Variants in KCNQ1 observed in about 807,000 individuals in gnomAD.
The protein encoded by KCNQ1 is potassium voltage-gated channel subfamily Q member 1, also known as potassium voltage-gated channel subfamily KQT member 1.
KCNQ1 carries 49 observed loss-of-function variants against 72.4 expected under a neutral mutation model. The observed-to-expected ratio is 0.68, with a 90% CI of 0.54 to 0.86. The LOEUF (loss-of-function observed/expected upper bound fraction) is 0.86. Among genes scored for constraint, KCNQ1 ranks in the 40% least tolerant of loss-of-function variants. KCNQ1 has a pLI of 0.00. For synonymous variants in KCNQ1, 450 were observed against 412.6 expected (o/e 1.09, Z -1.10); for missense variants, 790 against 945.1 (o/e 0.84, Z 2.15).
At chr11:2,581,814 G>C (rs144684449) in intron 6 of KCNQ1, among the ~76,000 whole-genome samples, 1 of 152,224 alleles carries the variant, frequency 6.6e-6, no homozygotes, top group Admixed American at 6.5e-5. Flanking sequence ...ACACAGAGCC[G>C]GGTGGTCCAC....
rs1266915761 is a variant in KCNQ1, at chr11:2,549,745, A to G, written c.478-20883A>G. On this transcript the variant is annotated intron_variant, in intron 2 of 15. Coordinates refer to ENST00000155840, the MANE Select transcript of KCNQ1 (RefSeq NM_000218.3). This position sits in a 1 kb window ranked among gnomAD's most constrained non-coding sequence, Gnocchi z 6.2. ...CCTGGTGTGGGGGTGCCTGGGGGGC[A>G]GTGGACGTGAGCAGCAGCACGTGGC... Among the ~76,000 whole-genome samples the G allele has an allele frequency of 1.3e-5, 2 of 151,930 alleles. No individual in the cohort carries two copies. The highest frequency in any genetic ancestry group is 4.8e-5 in the African/African-American group (2 of 41,374).
At chr11:2,461,212 C>T (rs1438947968) in intron 1 of KCNQ1, among the ~76,000 whole-genome samples, 3 of 152,176 alleles carry the variant, frequency 2.0e-5, no homozygotes, top group African/African-American at 4.8e-5. Flanking sequence ...GTGTGGGGCT[C>T]GGTCTGCATG....
chr11:2,509,180 A>G lies in KCNQ1; in HGVS notation c.387-18748A>G, dbSNP rs1315578764. On this transcript the variant is annotated intron_variant, in intron 1 of 15. Transcript: ENST00000155840. The surrounding 1 kb of genome is among the most constrained non-coding windows in gnomAD (Gnocchi z 6.3). ...CACAGCACAGGTTGGGAGAGCAACT[A>G]TCTCAAGGCTTTTATTTGCTGTTTC... Among the ~76,000 whole-genome samples, 1 of 152,232 alleles carries G rather than the reference A, an allele frequency of 6.6e-6. No homozygotes were observed. The highest frequency in any genetic ancestry group is 1.9e-4 in the East Asian group (1 of 5,194).
intron 2 of KCNQ1, among the ~76,000 whole-genome samples, chr11:2,561,617 G>A (rs1848168505): frequency 6.6e-6 from 1 of 152,226 alleles, no homozygotes; most frequent in Non-Finnish European, 1.5e-5. Flanking sequence ...CCCCGCCTGG[G>A]ATGCCACCAG....
rs754365669 is a variant in KCNQ1, at chr11:2,550,520, G to T, written c.478-20108G>T. Among the ~76,000 whole-genome samples the T allele has an allele frequency of 6.6e-6, 1 of 152,224 alleles. No homozygotes were observed. Among genetic ancestry groups the T allele is most frequent in the Non-Finnish European group, 1.5e-5 (1 of 68,034 alleles). ...GCCAAGGGCACTGCCCGCCCTGGGA[G>T]CTGATGCCTGACATGCATCCTCGCC... On this transcript the variant is annotated intron_variant, in intron 2 of 15. Transcript: ENST00000155840. This position sits in a 1 kb window ranked among gnomAD's most constrained non-coding sequence, Gnocchi z 6.0.
rs1851177747 is a variant in KCNQ1, at chr11:2,720,137, G to A, written c.1515-48707G>A. Among the ~76,000 whole-genome samples, 1 of 152,226 alleles carries A rather than the reference G, an allele frequency of 6.6e-6. No homozygotes were observed. Among genetic ancestry groups the A allele is most frequent in the Non-Finnish European group, 1.5e-5 (1 of 68,034 alleles). Reference sequence around the variant, plus strand: ...GGGTTCAGTTCCCAAACCCACTGGAGGGTTGCAAGGAGACGCTTCTAGTAT... The same window carrying A: ...GGGTTCAGTTCCCAAACCCACTGGAAGGTTGCAAGGAGACGCTTCTAGTAT... On this transcript the variant is annotated intron_variant, in intron 11 of 15. Transcript: ENST00000155840. This position sits in a 1 kb window ranked among gnomAD's most constrained non-coding sequence, Gnocchi z 5.1.
At chr11:2,487,915 A>G (rs571707317) in intron 1 of KCNQ1, among the ~76,000 whole-genome samples, 4 of 152,252 alleles carry the variant, frequency 2.6e-5, no homozygotes, top group African/African-American at 9.6e-5. Flanking sequence ...AATGTTGAAT[A>G]GAAGTGGTGA....
At chr11:2,643,565 T>C (rs1849613443) in intron 10 of KCNQ1, 1 of 398,546 alleles carries the variant, frequency 2.5e-6, no homozygotes, top group Non-Finnish European at 4.4e-6. Context: ...GCGTTTCTTG[T>C]AGATAGCATT....
chr11:2,838,259 T>TA (rs1241636293), intron 15 of KCNQ1, among the ~76,000 whole-genome samples: 1 of 152,122 alleles, frequency 6.6e-6, no homozygotes, highest in Admixed American at 6.5e-5. Context: ...GGTGCCAAAC[T>TA]ATCCACATGC....
chr11:2,717,654 C>T (rs576706868), intron 11 of KCNQ1, among the ~76,000 whole-genome samples: 22 of 152,328 alleles, frequency 1.4e-4, no homozygotes, highest in South Asian at 2.1e-4. Flanking sequence ...TCCCCAGGCC[C>T]GTATGAACTG....
intron 10 of KCNQ1, chr11:2,632,313 C>T (rs1849372453): frequency 2.5e-6 from 1 of 397,864 alleles, no homozygotes; most frequent in South Asian, 1.3e-4. Context: ...ATGATCATAT[C>T]TATGAACAAA....
rs199472726 is a variant in KCNQ1, at chr11:2,572,880, G to T, written c.815G>T (p.Gly272Val). The change falls in exon 6 of 16, where the codon GGC becomes GTC. Residue 272 changes from glycine to valine, a missense_variant. By Grantham distance (109) the Gly-to-Val change is moderately radical (BLOSUM62 -3). Coordinates refer to ENST00000155840, the MANE Select transcript of KCNQ1 (RefSeq NM_000218.3). ...ACCACCCTGTACATCGGCTTCCTGG[G>T]CCTCATCTTCTCCTCGTACTTTGTG... is the stretch of plus-strand genomic sequence containing the variant. Reference protein sequence around the residue: ...LITTLYIGFLGLIFSSYFVYL... With the variant: ...LITTLYIGFLVLIFSSYFVYL... 5 of 1,613,806 alleles carry T rather than the reference G, an allele frequency of 3.1e-6. No homozygotes were observed. The East Asian group carries it at 1.1e-4, about 36-fold the overall frequency.
rs188675201 is a variant in KCNQ1 at position 2,661,722 on chromosome 11, C to T, written c.1394-239C>T. 9.3e-5 allele frequency: 57 copies of T among 612,814 alleles called. No homozygotes were observed. In the East Asian group the frequency reaches 1.5e-3, roughly 16 times the overall value. The allele number at this position is 612,814 out of a possible 1,614,324, so 38.0% of individuals were successfully genotyped here. On this transcript the variant is annotated intron_variant, in intron 10 of 15. Transcript: ENST00000155840. This position sits in a 1 kb window ranked among gnomAD's most constrained non-coding sequence, Gnocchi z 5.9. ...TGAGCACAGCCCCAGGCACAGTTACCACTCCGAAGATGATTCACTGGCCTT... is the reference window on the plus strand; with the variant it reads ...TGAGCACAGCCCCAGGCACAGTTACTACTCCGAAGATGATTCACTGGCCTT...
rs2133866307 is a variant in KCNQ1, at chr11:2,669,277, C to G, written c.1514+7196C>G. 1 of 398,718 alleles carries G rather than the reference C, an allele frequency of 2.5e-6. No homozygotes were observed. Among genetic ancestry groups the G allele is most frequent in the Non-Finnish European group, 4.4e-6 (1 of 226,126 alleles). The allele number at this position is 398,718 out of a possible 1,614,324, so 24.7% of individuals were successfully genotyped here. A position where few individuals can be genotyped will look rare whatever the true frequency, so the allele number is the denominator to read the frequency against. On this transcript the variant is annotated intron_variant, in intron 11 of 15. Coordinates refer to ENST00000155840, the MANE Select transcript of KCNQ1 (RefSeq NM_000218.3). The surrounding 1 kb of genome is among the most constrained non-coding windows in gnomAD (Gnocchi z 5.6). Reference sequence around the variant, plus strand: ...CCCATCACTGGCTTTGCTGTCTTTGCAGGGTTTCTCCTCACCATACATATG... The same window carrying G: ...CCCATCACTGGCTTTGCTGTCTTTGGAGGGTTTCTCCTCACCATACATATG...
At chr11:2,465,774 CG>C (rs1846343179) in intron 1 of KCNQ1, among the ~76,000 whole-genome samples, 1 of 152,196 alleles carries the variant, frequency 6.6e-6, no homozygotes, top group African/African-American at 2.4e-5. Flanking sequence ...GCCTGTGTTC[CG>C]GGCAGGCTGG....
intron 11 of KCNQ1, among the ~76,000 whole-genome samples, chr11:2,758,833 T>C (rs1167126020): frequency 2.0e-5 from 3 of 152,176 alleles, no homozygotes; most frequent in African/African-American, 7.2e-5. Flanking sequence ...ATAGATAACA[T>C]TCTCAAAGTC....
Position 2,507,768 on chromosome 11 carries a change from C to T in KCNQ1, c.387-20160C>T, listed in dbSNP as rs1003058321. On this transcript the variant is annotated intron_variant, in intron 1 of 15. Transcript: ENST00000155840. This position sits in a 1 kb window ranked among gnomAD's most constrained non-coding sequence, Gnocchi z 5.4. Reference sequence around the variant, plus strand: ...TGAGCGCAGGGGCTAGACAGGGCCTCCTGTAGCCTGGGTGGGTGGAAGGGC... The same window carrying T: ...TGAGCGCAGGGGCTAGACAGGGCCTTCTGTAGCCTGGGTGGGTGGAAGGGC... Among the ~76,000 whole-genome samples the T allele has an allele frequency of 1.3e-5, 2 of 151,932 alleles. No individual in the cohort carries two copies. The highest frequency in any genetic ancestry group is 2.9e-5 in the Non-Finnish European group (2 of 67,992).
rs962493765 is a variant in KCNQ1 at position 2,477,539 on chromosome 11, T to C, written c.386+32055T>C. ...AAAAGAAAACTACAGACCAGTGATATGTACACAGAGAGCAATGAAAATCCT... is the reference window on the plus strand; with the variant it reads ...AAAAGAAAACTACAGACCAGTGATACGTACACAGAGAGCAATGAAAATCCT... On this transcript the variant is annotated intron_variant, in intron 1 of 15. Transcript: ENST00000155840. This position sits in a 1 kb window ranked among gnomAD's most constrained non-coding sequence, Gnocchi z 5.0. 3.3e-5 allele frequency among the ~76,000 whole-genome samples: 5 copies of C among 152,040 alleles called. No homozygotes were observed. Among genetic ancestry groups the C allele is most frequent in the Non-Finnish European group, 5.9e-5 (4 of 67,992 alleles).
Position 2,658,680 on chromosome 11 carries a change from G to C in KCNQ1, c.1394-3281G>C, listed in dbSNP as rs1849896212. 1 of 398,454 alleles carries C rather than the reference G, an allele frequency of 2.5e-6. No individual in the cohort carries two copies. Among genetic ancestry groups the C allele is most frequent in the Non-Finnish European group, 4.4e-6 (1 of 226,022 alleles). The allele number at this position is 398,454 out of a possible 1,614,324, so 24.7% of individuals were successfully genotyped here. On this transcript the variant is annotated intron_variant, in intron 10 of 15. Coordinates refer to ENST00000155840, the MANE Select transcript of KCNQ1 (RefSeq NM_000218.3). This position sits in a 1 kb window ranked among gnomAD's most constrained non-coding sequence, Gnocchi z 4.9. ...CTTCAGTCTCCTCTCAGTGGACAGA[G>C]CTAGGAAATATATGTATGTATGTAA...
Sources: allele counts gnomAD v4.1 joint callset (sites outside exome capture counted in the v4.1 genomes callset), GRCh38; gene constraint gnomAD v4.1.1; non-coding constraint Gnocchi (gnomAD v3.1); transcripts MANE v1.5; gene names NCBI Gene and HGNC (gene_info 2026-07-23, HGNC 2026-07-21).